The following CGGBP1 variants were observed in gnomAD, a reference collection of about 807,000 sequenced individuals.
The protein encoded by CGGBP1 is CGG triplet repeat-binding protein 1.
A neutral mutation model predicts 11.4 loss-of-function variants in CGGBP1; 4 were observed. That is an observed-to-expected ratio of 0.35 (90% CI 0.17 to 0.80). CGGBP1 has a LOEUF of 0.80. CGGBP1 is among the 30% of genes least tolerant of loss of function. The pLI, the probability that CGGBP1 is intolerant of heterozygous loss-of-function variation, is 0.52. For synonymous variants in CGGBP1, 76 were observed against 74.1 expected (o/e 1.03, Z -0.13); for missense variants, 135 against 202.1 (o/e 0.67, Z 2.01).
chr3:88,094,963 A>G (rs1419687052), intron 2 of CGGBP1, among the ~76,000 whole-genome samples: 4 of 152,134 alleles, frequency 2.6e-5, no homozygotes, highest in Non-Finnish European at 4.4e-5. Flanking sequence ...AAGAAAACTT[A>G]TGAGAAATTA....
intron 2 of CGGBP1, among the ~76,000 whole-genome samples, chr3:88,083,185 G>A (rs1246693096): frequency 6.6e-6 from 1 of 152,112 alleles, no homozygotes; most frequent in Non-Finnish European, 1.5e-5. Flanking sequence ...AGTCCCATCG[G>A]GGGGTTAGGG....
chr3:88,142,083 T>G (rs1455540510), intron 1 of CGGBP1: 3 of 154,538 alleles, frequency 1.9e-5, no homozygotes, highest in African/African-American at 7.2e-5. Context: ...AAATGGGGTT[T>G]GTTTTCTTGT....
chr3:88,075,824 A>T (rs912776404), intron 2 of CGGBP1, among the ~76,000 whole-genome samples: 1 of 152,078 alleles, frequency 6.6e-6, no homozygotes, highest in African/African-American at 2.4e-5. Flanking sequence ...TTAGAGAAGG[A>T]AAGTCAAGGA....
At chr3:88,125,408 T>A (rs1359676764) in intron 2 of CGGBP1, among the ~76,000 whole-genome samples, 1 of 152,172 alleles carries the variant, frequency 6.6e-6, no homozygotes, top group Non-Finnish European at 1.5e-5. Context: ...CCAAGCAGAT[T>A]CTCTGAAAAA....
chr3:88,121,010 G>GT lies in CGGBP1; in HGVS notation c.-229+19959dup, dbSNP rs751355242. On this transcript the variant is annotated intron_variant, in intron 2 of 3. Coordinates refer to the CGGBP1 transcript ENST00000462901. ...GTGGTGCTTAAAAGCTAGGTGATGG[G>GT]TTGATAGGTGCAGAAAACCACCATG... 2.0e-5 allele frequency among the ~76,000 whole-genome samples: 3 copies of GT among 152,082 alleles called. No individual in the cohort carries two copies. The East Asian group carries it at 5.8e-4, about 29-fold the overall frequency.
chr3:88,079,317 T>A (rs910768203), intron 2 of CGGBP1, among the ~76,000 whole-genome samples: 1 of 152,084 alleles, frequency 6.6e-6, no homozygotes, highest in Non-Finnish European at 1.5e-5. Flanking sequence ...ACTGAAAATT[T>A]TGTAGACTAT....
At chr3:88,117,670 T>C (rs1047738364) in intron 2 of CGGBP1, among the ~76,000 whole-genome samples, 3 of 152,252 alleles carry the variant, frequency 2.0e-5, no homozygotes, top group Admixed American at 2.0e-4. Flanking sequence ...TGTCTAATGA[T>C]TCCAGAAAAG....
In CGGBP1 at chr3:88,053,106, T is replaced by G. The variant is rs1325602273; in HGVS notation, c.*2367A>C. 6.6e-6 allele frequency: 1 copy of G among 152,568 alleles called. No homozygotes were observed. The highest frequency in any genetic ancestry group is 2.4e-5 in the African/African-American group (1 of 41,468). The allele number at this position is 152,568 out of a possible 1,614,324, so 9.5% of individuals were successfully genotyped here. On this transcript the variant is annotated 3_prime_UTR_variant, in exon 4 of 4. Transcript: ENST00000482016. ...CTATATAGTTAAGATTGAAAACTTCTGTACACACGTTCACTACACCTCCAA... is the reference window on the plus strand; with the variant it reads ...CTATATAGTTAAGATTGAAAACTTCGGTACACACGTTCACTACACCTCCAA...
At chr3:88,077,661 T>G (rs1707885677) in intron 2 of CGGBP1, among the ~76,000 whole-genome samples, 1 of 148,200 alleles carries the variant, frequency 6.7e-6, no homozygotes, top group South Asian at 2.2e-4. Flanking sequence ...AAATAACACA[T>G]AGGAAAGATA....
At chr3:88,110,251 G>A (rs1212170296) in intron 2 of CGGBP1, among the ~76,000 whole-genome samples, 1 of 152,090 alleles carries the variant, frequency 6.6e-6, no homozygotes, top group East Asian at 1.9e-4. Context: ...AAGTAGTGGA[G>A]CTGAGATTCA....
At chr3:88,100,366 C>A (rs1046396237) in intron 2 of CGGBP1, among the ~76,000 whole-genome samples, 4 of 152,198 alleles carry the variant, frequency 2.6e-5, no homozygotes, top group Non-Finnish European at 5.9e-5. Context: ...CACTTTTACA[C>A]TGTTGGTGGG....
chr3:88,108,577 A>G (rs1425917684), intron 2 of CGGBP1, among the ~76,000 whole-genome samples: 2 of 152,168 alleles, frequency 1.3e-5, no homozygotes, highest in Non-Finnish European at 2.9e-5. Flanking sequence ...ATCTCACACC[A>G]TCCCAACTAG....
chr3:88,066,296 G>C lies in CGGBP1; in HGVS notation c.-228-8073C>G, dbSNP rs146227647. On this transcript the variant is annotated intron_variant, in intron 2 of 3. Coordinates refer to the CGGBP1 transcript ENST00000462901. The stretch of plus-strand genomic sequence containing the variant: ...TGCTTCAGAAAATCTATCCGTGCCA[G>C]GGTGTGGTGGCTCACACCTGTAATT... Among the ~76,000 whole-genome samples the C allele has an allele frequency of 4.7e-3, 710 of 152,286 alleles. 3 individuals carry two copies. The highest frequency in any genetic ancestry group is 6.8e-3 in the Non-Finnish European group (460 of 68,032).
At chr3:88,137,665 G>T (rs773226327) in intron 2 of CGGBP1, among the ~76,000 whole-genome samples, 12 of 152,118 alleles carry the variant, frequency 7.9e-5, no homozygotes, top group Non-Finnish European at 1.6e-4. Flanking sequence ...GATAAGTGGG[G>T]AGAAAAACCT....
intron 2 of CGGBP1, among the ~76,000 whole-genome samples, chr3:88,073,796 A>G (rs889681476): frequency 6.6e-6 from 1 of 152,198 alleles, no homozygotes; most frequent in Non-Finnish European, 1.5e-5. Flanking sequence ...AGTAGCTACA[A>G]TGTACATTTT....
chr3:88,056,027 G>A (rs1559678374), intron 3 of CGGBP1, 28 bp from the exon 4 acceptor site: 2 of 1,486,540 alleles, frequency 1.3e-6, no homozygotes, highest in Non-Finnish European at 1.8e-6. Context: ...ACAAAGATGA[G>A]TATTATAACA....
chr3:88,119,094 A>G (rs1705595245), intron 2 of CGGBP1, among the ~76,000 whole-genome samples: 3 of 149,902 alleles, frequency 2.0e-5, no homozygotes. Context: ...ACGTATGTTT[A>G]CTGCGGCATT....
intron 2 of CGGBP1, among the ~76,000 whole-genome samples, chr3:88,112,202 T>A (rs1355961609): frequency 6.6e-6 from 1 of 151,886 alleles, no homozygotes; most frequent in Non-Finnish European, 1.5e-5. Context: ...TTAGGTCTTA[T>A]ATAATTTTAA....
At chr3:88,090,053 A>G (rs1708552446) in intron 2 of CGGBP1, among the ~76,000 whole-genome samples, 1 of 152,206 alleles carries the variant, frequency 6.6e-6, no homozygotes, top group African/African-American at 2.4e-5. Flanking sequence ...ATATAGAATT[A>G]TACATATAAT....
Sources: gnomAD v4.1 joint callset for allele counts (sites outside exome capture counted in the v4.1 genomes callset) on GRCh38, gnomAD v4.1.1 for gene constraint, MANE v1.5 for transcripts, NCBI Gene and HGNC (gene_info 2026-07-23, HGNC 2026-07-21) for gene names.